Variants in OPCML observed in about 807,000 individuals in gnomAD.
OPCML encodes the protein opioid binding protein/cell adhesion molecule like.
In OPCML, 13 loss-of-function variants were observed where a neutral mutation model predicts 37.8. The observed-to-expected ratio is 0.34, with a 90% confidence interval of 0.22 to 0.55. The LOEUF is 0.55. Among genes scored for constraint, OPCML ranks in the 20% least tolerant of loss-of-function variants. The pLI is 0.91. For missense variants in OPCML, 341 were observed against 435.6 expected (o/e 0.78, Z 1.93); for synonymous variants, 176 against 168.8 (o/e 1.04, Z -0.33).
intron 2 of OPCML, among the ~76,000 whole-genome samples, chr11:132,716,614 T>C (rs1292672847): frequency 6.6e-6 from 1 of 152,174 alleles, no homozygotes; most frequent in African/African-American, 2.4e-5. Context: ...TTAATAGAAT[T>C]TCCCTGCAAA....
intron 3 of OPCML, among the ~76,000 whole-genome samples, chr11:132,638,231 T>A (rs1243322831): frequency 6.7e-6 from 1 of 149,486 alleles, no homozygotes; most frequent in East Asian, 2.0e-4. Flanking sequence ...ATATATATGA[T>A]GTATACATAT....
At chr11:132,781,347 C>A (rs1007571643) in intron 2 of OPCML, among the ~76,000 whole-genome samples, 3 of 151,934 alleles carry the variant, frequency 2.0e-5, no homozygotes, top group Admixed American at 6.6e-5. Flanking sequence ...ACTTCTCCTG[C>A]CTAACTGCTT....
At chr11:132,558,878 G>T (rs2096404240) in intron 3 of OPCML, among the ~76,000 whole-genome samples, 1 of 151,926 alleles carries the variant, frequency 6.6e-6, no homozygotes, top group Non-Finnish European at 1.5e-5. Flanking sequence ...GGTGATATGG[G>T]CAAGGGCACT....
intron 3 of OPCML, among the ~76,000 whole-genome samples, chr11:132,597,865 A>C (rs1042881313): frequency 6.6e-6 from 1 of 152,246 alleles, no homozygotes; most frequent in Non-Finnish European, 1.5e-5. Flanking sequence ...AACACATTAC[A>C]TATACGCATT....
intron 1 of OPCML, among the ~76,000 whole-genome samples, chr11:133,082,976 G>A (rs1948759194): frequency 6.6e-6 from 1 of 151,086 alleles, no homozygotes; most frequent in Admixed American, 6.6e-5. Context: ...CCTCGTCCGC[G>A]CGGCCGCCAG....
chr11:132,876,659 T>C (rs925731753), intron 2 of OPCML, among the ~76,000 whole-genome samples: 1 of 152,176 alleles, frequency 6.6e-6, no homozygotes, highest in African/African-American at 2.4e-5. Flanking sequence ...AATATAAATG[T>C]CCCAATGGTA....
intron 1 of OPCML, among the ~76,000 whole-genome samples, chr11:133,105,992 A>G (rs548415204): frequency 1.4e-5 from 1 of 70,412 alleles, no homozygotes; most frequent in East Asian, 5.7e-4. Context: ...AAAAATAAAA[A>G]AAAAAAGAAA....
intron 2 of OPCML, among the ~76,000 whole-genome samples, chr11:132,872,073 A>C (rs911891758): frequency 2.0e-5 from 3 of 152,078 alleles, no homozygotes; most frequent in African/African-American, 7.2e-5. Context: ...GTTGTTTTAA[A>C]CTATTTATTG....
At chr11:132,491,918 T>C (rs564184517) in intron 4 of OPCML, among the ~76,000 whole-genome samples, 74 of 141,134 alleles carry the variant, frequency 5.2e-4, no homozygotes, top group African/African-American at 1.9e-3. Context: ...GTTTGGGACA[T>C]ACCTAATTTT....
chr11:133,156,965 G>A (rs781446162), intron 1 of OPCML, among the ~76,000 whole-genome samples: 3 of 152,002 alleles, frequency 2.0e-5, no homozygotes, highest in Non-Finnish European at 4.4e-5. Flanking sequence ...ACAGCAGCCT[G>A]TTCCCTGCTC....
intron 1 of OPCML, among the ~76,000 whole-genome samples, chr11:133,434,457 C>T (rs1455659069): frequency 2.0e-5 from 3 of 152,036 alleles, no homozygotes; most frequent in Non-Finnish European, 4.4e-5. Flanking sequence ...TAGAAGTTAG[C>T]ACTTCAACTA....
intron 3 of OPCML, among the ~76,000 whole-genome samples, chr11:132,637,240 T>C (rs1429965040): frequency 1.3e-5 from 2 of 152,144 alleles, no homozygotes; most frequent in Admixed American, 1.3e-4. Flanking sequence ...CCCTTACTGA[T>C]GATTTCTCCC....
At position 133,458,365 on chromosome 11, in the gene OPCML, T is replaced by C. The variant is rs1262914043; in HGVS notation, c.61+73899A>G. On this transcript the variant is annotated intron_variant, in intron 1 of 7. Transcript: ENST00000524381. ...ATATATACACGTGTGTGTATATATATACACATATATACACGTGTGTGTATA... is the reference window on the plus strand; with the variant it reads ...ATATATACACGTGTGTGTATATATACACACATATATACACGTGTGTGTATA... Among the ~76,000 whole-genome samples the C allele has an allele frequency of 6.0e-3, 57 of 9,572 alleles. 3 individuals carry two copies. Among genetic ancestry groups the C allele is most frequent in the Admixed American group, 8.0e-3 (8 of 1,000 alleles). The allele number at this position is 9,572 out of a possible 152,430, so 6.3% of individuals were successfully genotyped here.
At chr11:132,650,751 A>G (rs1941390464) in intron 3 of OPCML, among the ~76,000 whole-genome samples, 1 of 152,170 alleles carries the variant, frequency 6.6e-6, no homozygotes, top group Non-Finnish European at 1.5e-5. Flanking sequence ...AGCCGAGCGC[A>G]GGGCTGAGGA....
rs554987952 is a variant in OPCML at position 132,673,158 on chromosome 11, C to T, written c.147-15839G>A. The stretch of plus-strand genomic sequence containing the variant: ...GCCCCAAATGAGGTCTGGCACCATT[C>T]ACTGATGAGTGGTATCGTCCTTCCT... On this transcript the variant is annotated intron_variant, in intron 2 of 7. Transcript: ENST00000524381. Among the ~76,000 whole-genome samples, 3 of 152,284 alleles carry T rather than the reference C, an allele frequency of 2.0e-5. No homozygotes were observed. In the South Asian group the frequency reaches 6.2e-4, roughly 32 times the overall value.
At chr11:132,554,087 A>G (rs1199027564) in intron 3 of OPCML, among the ~76,000 whole-genome samples, 2 of 152,188 alleles carry the variant, frequency 1.3e-5, no homozygotes, top group Non-Finnish European at 2.9e-5. Context: ...TGCAGAAGTT[A>G]GAGCAAAGGA....
intron 1 of OPCML, among the ~76,000 whole-genome samples, chr11:133,439,747 G>T (rs1047993822): frequency 6.6e-6 from 1 of 152,100 alleles, no homozygotes; most frequent in Non-Finnish European, 1.5e-5. Context: ...GATTGCAGGT[G>T]TGAGCCACCG....
At chr11:133,520,237 G>A (rs895754601) in intron 1 of OPCML, among the ~76,000 whole-genome samples, 2 of 152,092 alleles carry the variant, frequency 1.3e-5, no homozygotes, top group African/African-American at 2.4e-5. Flanking sequence ...CAAGTGCAGT[G>A]TGCGTGGGAG....
At chr11:132,876,820 G>T (rs147696950) in intron 2 of OPCML, among the ~76,000 whole-genome samples, 1 of 152,308 alleles carries the variant, frequency 6.6e-6, no homozygotes, top group African/African-American at 2.4e-5. Context: ...GGAAGGAGTT[G>T]CCGTATACCA....
Sources: gnomAD v4.1 joint callset for allele counts (sites outside exome capture counted in the v4.1 genomes callset) on GRCh38, gnomAD v4.1.1 for gene constraint, MANE v1.5 for transcripts, NCBI Gene and HGNC (gene_info 2026-07-23, HGNC 2026-07-21) for gene names.